Variants in GTF3C3 observed in about 807,000 individuals in gnomAD.
GTF3C3 encodes the protein general transcription factor IIIC subunit 3, also known as general transcription factor 3C polypeptide 3.
In GTF3C3, 75 loss-of-function variants were observed where a neutral mutation model predicts 105.2. The ratio of observed to expected loss-of-function variants is 0.71; its 90% confidence interval spans 0.59 to 0.86. The LOEUF (loss-of-function observed/expected upper bound fraction) is 0.86. Ranked by LOEUF, GTF3C3 falls within the 40% of genes least tolerant of loss-of-function variation. GTF3C3 has a pLI of 0.00. For missense variants in GTF3C3, 856 were observed against 1,076.5 expected, an observed-to-expected ratio of 0.80 and a Z score of 2.87; for synonymous variants, 335 against 370.4, an observed-to-expected ratio of 0.90 and a Z score of 1.10.
At chr2:196,790,317 C>T (rs1699525382) in intron 4 of GTF3C3, among the ~76,000 whole-genome samples, 2 of 152,068 alleles carry the variant, frequency 1.3e-5, no homozygotes, top group Admixed American at 6.6e-5. Context: ...ATGAAAAATC[C>T]TAATCTCTAC....
chr2:196,786,945 T>C lies in GTF3C3; in HGVS notation c.894-1357A>G, dbSNP rs1699461793. ...ATCATCCCTCCTACTTGAAGTTCTT[T>C]CTTCAATTAAATTCTAGAACATCAT... is the stretch of plus-strand genomic sequence containing the variant. On this transcript the variant is annotated intron_variant, in intron 6 of 17. Transcript: ENST00000263956. The surrounding 1 kb of genome is among the most constrained non-coding windows in gnomAD (Gnocchi z 4.2). Among the ~76,000 whole-genome samples the C allele has an allele frequency of 6.6e-6, 1 of 152,144 alleles. No homozygotes were observed. Among genetic ancestry groups the C allele is most frequent in the Admixed American group, 6.6e-5 (1 of 15,262 alleles).
Position 196,764,214 on chromosome 2 carries a change from A to G in GTF3C3, c.*349T>C. 1 of 161,366 alleles carries G rather than the reference A, an allele frequency of 6.2e-6. No individual in the cohort carries two copies. The highest frequency in any genetic ancestry group is 1.9e-4 in the South Asian group (1 of 5,182). 10.0% of individuals were successfully genotyped at this position (161,366 alleles called of 1,614,324 possible). On this transcript the variant is annotated 3_prime_UTR_variant, in exon 18 of 18. Coordinates refer to ENST00000263956, the MANE Select transcript of GTF3C3 (RefSeq NM_012086.5). ...CGTATTTGAAAAACTGCCTCATGTG[A>G]TATTGACAGAGCTATAGTATTAAAT...
chr2:196,771,803 T>C lies in GTF3C3; in HGVS notation c.2205A>G (p.Leu735=), dbSNP rs138098974. 5.9e-4 allele frequency: 956 copies of C among 1,613,134 alleles called. 11 individuals are homozygous for C. In the East Asian group the frequency reaches 0.011, roughly 19 times the overall value. ...LMLKNPENHA[L]CVLNGHNAFV... is the part of the protein sequence containing the mutation. ...ATGCATTGTGTCCATTTAAGACACATAGGGCATGATTTTCTGGGTTTTTCA... is the reference window on the plus strand; with the variant it reads ...ATGCATTGTGTCCATTTAAGACACACAGGGCATGATTTTCTGGGTTTTTCA... The change falls in exon 15 of 18, where the codon CTA becomes CTG. Residue 735 remains leucine, a synonymous_variant. Transcript: ENST00000263956.
At chr2:196,784,714 G>GA (rs1221981696) in intron 8 of GTF3C3, 143 bp downstream of exon 8, 17 of 1,081,428 alleles carry the variant, frequency 1.6e-5, no homozygotes, top group East Asian at 1.2e-4. Context: ...AAATCTCTGA[G>GA]AAAAAAATGC....
intron 12 of GTF3C3, 109 bp downstream of exon 12, chr2:196,775,901 T>C (rs1420739075): frequency 2.0e-6 from 1 of 512,778 alleles, no homozygotes; most frequent in Non-Finnish European, 3.4e-6. Context: ...TTTAAAAGTT[T>C]GAGTTTAATG....
At chr2:196,798,030 A>T in intron 1 of GTF3C3, 122 bp from the exon 2 acceptor site, 1 of 656,020 alleles carries the variant, frequency 1.5e-6, no homozygotes, top group South Asian at 1.7e-5. Context: ...ATGGGTTGGC[A>T]GTTTATAGAA....
intron 1 of GTF3C3, among the ~76,000 whole-genome samples, chr2:196,798,565 C>T (rs1699689192): frequency 1.3e-5 from 2 of 151,812 alleles, no homozygotes; most frequent in South Asian, 4.2e-4. Context: ...TAAGTCCCTA[C>T]TACTCGCATG....
chr2:196,789,139 T>C, intron 6 of GTF3C3, 65 bp downstream of exon 6: 1 of 1,304,948 alleles, frequency 7.7e-7, no homozygotes, highest in Non-Finnish European at 1.1e-6. Flanking sequence ...CTATTCCAAA[T>C]ATATGCTTTG....
At chr2:196,794,332 A>G (rs1699600559) in intron 2 of GTF3C3, among the ~76,000 whole-genome samples, 1 of 152,232 alleles carries the variant, frequency 6.6e-6, no homozygotes, top group African/African-American at 2.4e-5. Flanking sequence ...ACACAAAGAT[A>G]GACATGTAAC....
intron 6 of GTF3C3, among the ~76,000 whole-genome samples, chr2:196,788,780 C>T (rs1225965032): frequency 6.6e-6 from 1 of 152,028 alleles, no homozygotes; most frequent in Non-Finnish European, 1.5e-5. Context: ...ATCTAAAATA[C>T]AGGGCTGGGC....
At chr2:196,798,927 T>G (rs1028343790) in intron 1 of GTF3C3, among the ~76,000 whole-genome samples, 2 of 152,136 alleles carry the variant, frequency 1.3e-5, no homozygotes, top group African/African-American at 4.8e-5. Context: ...GCATTACTTT[T>G]ATTTTCTCTT....
chr2:196,769,166 T>A (rs1446526231), intron 16 of GTF3C3, among the ~76,000 whole-genome samples: 1 of 152,192 alleles, frequency 6.6e-6, no homozygotes, highest in Non-Finnish European at 1.5e-5. Flanking sequence ...AATGAACTCA[T>A]ACCTAGTTTC....
At position 196,793,039 on chromosome 2, in the gene GTF3C3, C is replaced by A; in HGVS notation, c.328G>T (p.Glu110Ter). ...EEEEEEEEEEEETPEQPTAGD... is the reference protein window; with the variant it reads ...EEEEEEEEEE ...GCAGTGGGTTGCTCAGGTGTTTCTT[C>A]CTCCTCCTCCTCCTCCTCCTCTTCT... Residue 110 changes from glutamate (E) to a stop codon, truncating the protein, a stop_gained, in exon 3 of 18, where the codon GAA (glutamate) becomes TAA (stop). Transcript: ENST00000263956. LOFTEE classifies it high-confidence loss of function. The A allele has an allele frequency of 6.5e-7, 1 of 1,538,342 alleles. No individual in the cohort carries two copies. The highest frequency in any genetic ancestry group is 1.1e-5 in the South Asian group (1 of 88,400).
In GTF3C3 at chr2:196,764,665, T is replaced by TAA; in HGVS notation, c.2557_2558dup (p.Leu853PhefsTer2). 1 of 1,612,024 alleles carries TAA rather than the reference T, an allele frequency of 6.2e-7. No individual in the cohort carries two copies. ...TGTAGGCAATATCTCTTCGTAAGTC[T>TAA]AACTGGTCAAGTTCTATACCCTAGG... On this transcript the variant is annotated frameshift_variant, in exon 18 of 18. Coordinates refer to ENST00000263956, the MANE Select transcript of GTF3C3 (RefSeq NM_012086.5). LOFTEE classifies it high-confidence loss of function.
At chr2:196,770,120 A>T in intron 15 of GTF3C3, 81 bp from the exon 16 acceptor site, 1 of 1,208,340 alleles carries the variant, frequency 8.3e-7, no homozygotes, top group Middle Eastern at 2.0e-4. Context: ...GCCAAACATT[A>T]CTGATTTTAA....
Position 196,790,100 on chromosome 2 carries a change from T to C in GTF3C3, c.536-30A>G, listed in dbSNP as rs768218530. On this transcript the variant is annotated intron_variant, in intron 4 of 17. Coordinates refer to ENST00000263956, the MANE Select transcript of GTF3C3 (RefSeq NM_012086.5). ...AACAAATTAAAAAAATAAATTCCAT[T>C]GGCTGAGAGAAGAGGCTTGAGTTGA... is the stretch of plus-strand genomic sequence containing the variant. 6.3e-5 allele frequency: 94 copies of C among 1,485,444 alleles called. No homozygotes were observed. In the Middle Eastern group the frequency reaches 3.0e-3, roughly 47 times the overall value. The allele number at this position is 1,485,444 out of a possible 1,614,324, so 92.0% of individuals were successfully genotyped here.
At position 196,764,702 on chromosome 2, in the gene GTF3C3, A is replaced by G. The variant is rs752261831; in HGVS notation, c.2539-17T>C. 1.3e-6 allele frequency: 2 copies of G among 1,598,152 alleles called. No individual in the cohort carries two copies. Among genetic ancestry groups the G allele is most frequent in the South Asian group, 2.2e-5 (2 of 89,562 alleles). On this transcript the variant is annotated splice_polypyrimidine_tract_variant and intron_variant, in intron 17 of 17. Coordinates refer to ENST00000263956, the MANE Select transcript of GTF3C3 (RefSeq NM_012086.5). ...TTCTATACCCTAGGGAGAAAAAGATACCTTTATGTTTAATATTTCCAACTG... is the reference window on the plus strand; with the variant it reads ...TTCTATACCCTAGGGAGAAAAAGATGCCTTTATGTTTAATATTTCCAACTG...
intron 2 of GTF3C3, among the ~76,000 whole-genome samples, chr2:196,795,584 A>G (rs552410257): frequency 1.3e-5 from 2 of 152,394 alleles, no homozygotes; most frequent in African/African-American, 4.8e-5. Context: ...CCATCCTGAT[A>G]GAACGAAGCA....
At chr2:196,770,716 C>A (rs902237501) in intron 15 of GTF3C3, among the ~76,000 whole-genome samples, 1 of 152,156 alleles carries the variant, frequency 6.6e-6, no homozygotes, top group Non-Finnish European at 1.5e-5. Flanking sequence ...ATGAAAATTT[C>A]TCTTCCTTCT....
Sources: allele counts gnomAD v4.1 joint callset (sites outside exome capture counted in the v4.1 genomes callset), GRCh38; gene constraint gnomAD v4.1.1; non-coding constraint Gnocchi (gnomAD v3.1); transcripts MANE v1.5; gene names NCBI Gene and HGNC (gene_info 2026-07-23, HGNC 2026-07-21).